Variants in PAPSS1 observed in about 807,000 individuals in gnomAD.
PAPSS1 encodes the protein 3'-phosphoadenosine 5'-phosphosulfate synthase 1.
Under a neutral mutation model 72.0 loss-of-function variants are expected in PAPSS1, and 50 were observed. That is an observed-to-expected ratio of 0.69 (90% confidence interval 0.55 to 0.88). PAPSS1 has a LOEUF of 0.88. Ranked by LOEUF, PAPSS1 falls within the 40% of genes least tolerant of loss-of-function variation. The pLI is 0.00. For synonymous variants in PAPSS1, 261 were observed against 263.6 expected (o/e 0.99, Z 0.09); for missense variants, 657 against 782.2 (o/e 0.84, Z 1.91).
intron 1 of PAPSS1, among the ~76,000 whole-genome samples, chr4:107,702,148 C>T (rs1404323651): frequency 1.3e-5 from 2 of 152,114 alleles, no homozygotes; most frequent in African/African-American, 4.8e-5. Flanking sequence ...ACTTTGCACC[C>T]ACTAGGATAG....
intron 5 of PAPSS1, among the ~76,000 whole-genome samples, chr4:107,676,393 G>C (rs556880869): frequency 1.7e-4 from 26 of 152,224 alleles, no homozygotes; most frequent in South Asian, 1.0e-3. Context: ...ACCAATAACA[G>C]ACAAACAGAG....
chr4:107,631,553 T>G, intron 11 of PAPSS1, 78 bp downstream of exon 11: 1 of 995,462 alleles, frequency 1.0e-6, no homozygotes, highest in South Asian at 1.6e-5. Context: ...CAGTAAAGAT[T>G]AGACAATAAG....
chr4:107,719,654 G>A (rs551865478), intron 1 of PAPSS1, among the ~76,000 whole-genome samples: 1 of 152,304 alleles, frequency 6.6e-6, no homozygotes, highest in Non-Finnish European at 1.5e-5. Flanking sequence ...CCAAACCTGG[G>A]CCAACCGCAC....
intron 11 of PAPSS1, among the ~76,000 whole-genome samples, chr4:107,618,001 A>G (rs7685976): frequency 0.035 from 5,270 of 152,304 alleles, 279 homozygotes; most frequent in African/African-American, 0.12. Flanking sequence ...AAGCAAGGCT[A>G]TGAGAGAAGA....
chr4:107,687,289 T>C (rs1722812294), intron 3 of PAPSS1, 112 bp from the exon 4 acceptor site: 1 of 720,284 alleles, frequency 1.4e-6, no homozygotes, highest in Middle Eastern at 4.1e-4. Flanking sequence ...ATAGACAAAA[T>C]TTATGTTTTT....
intron 11 of PAPSS1, among the ~76,000 whole-genome samples, chr4:107,621,120 C>A (rs77999120): frequency 1.2e-3 from 185 of 152,180 alleles, no homozygotes; most frequent in African/African-American, 3.7e-3. Flanking sequence ...ATGCTACCTG[C>A]CCCCAGTGAT....
chr4:107,622,482 C>T (rs1447130282), intron 11 of PAPSS1, among the ~76,000 whole-genome samples: 3 of 152,080 alleles, frequency 2.0e-5, no homozygotes, highest in Non-Finnish European at 4.4e-5. Flanking sequence ...ATTTTATTTC[C>T]AGAAAATGTA....
intron 1 of PAPSS1, among the ~76,000 whole-genome samples, chr4:107,704,246 T>A (rs1025074594): frequency 6.6e-6 from 1 of 152,234 alleles, no homozygotes; most frequent in African/African-American, 2.4e-5. Context: ...TCTGGTGAAA[T>A]CTTTAGGGTT....
At chr4:107,667,676 T>C (rs1416305958) in intron 5 of PAPSS1, among the ~76,000 whole-genome samples, 1 of 152,174 alleles carries the variant, frequency 6.6e-6, no homozygotes, top group East Asian at 1.9e-4. Context: ...GGGGATAAAA[T>C]TTACTTAGTT....
At chr4:107,713,502 G>C (rs749119570) in intron 1 of PAPSS1, among the ~76,000 whole-genome samples, 57 of 152,120 alleles carry the variant, frequency 3.7e-4, no homozygotes, top group Non-Finnish European at 7.5e-4. Context: ...ACCCACGCCT[G>C]TAATCCCAGC....
At chr4:107,663,980 G>C (rs1727253304) in intron 5 of PAPSS1, among the ~76,000 whole-genome samples, 2 of 152,140 alleles carry the variant, frequency 1.3e-5, no homozygotes, top group Non-Finnish European at 2.9e-5. Flanking sequence ...TAAGGTTCTA[G>C]AGAAAAATAA....
intron 2 of PAPSS1, among the ~76,000 whole-genome samples, chr4:107,697,704 C>G (rs547773089): frequency 1.3e-5 from 2 of 152,260 alleles, no homozygotes; most frequent in Non-Finnish European, 2.9e-5. Context: ...CAATCCAAAT[C>G]TAAGATATGG....
intron 10 of PAPSS1, among the ~76,000 whole-genome samples, chr4:107,642,521 A>G (rs1215184810): frequency 1.3e-5 from 2 of 152,206 alleles, no homozygotes; most frequent in African/African-American, 2.4e-5. Flanking sequence ...AACTTATAAC[A>G]TAAGTTATAC....
chr4:107,616,078 A>ACTAG (rs1725812834), intron 11 of PAPSS1, among the ~76,000 whole-genome samples: 1 of 105,764 alleles, frequency 9.5e-6, no homozygotes, highest in Non-Finnish European at 2.2e-5. Flanking sequence ...ATTTTTAGAA[A>ACTAG]ATAGAGAGAG....
intron 7 of PAPSS1, among the ~76,000 whole-genome samples, chr4:107,656,154 C>T (rs1207107324): frequency 6.6e-6 from 1 of 151,944 alleles, no homozygotes; most frequent in African/African-American, 2.4e-5. Flanking sequence ...ATCCTTTCGC[C>T]CAGGCTAGAG....
chr4:107,614,294 A>T lies in PAPSS1; in HGVS notation c.1830T>A (p.Ala610=). The change falls in exon 12 of 12, where the codon GCT becomes GCA. Residue 610 remains alanine, a synonymous_variant. Transcript: ENST00000265174. ...TGTAGTATTCTGTCAGCACGGTCCA[A>T]GCCTTGGGAGCCATGAAACCTTCAG... The part of the protein sequence containing the change: ...KPPEGFMAPK[A]WTVLTEYYKS... 1 of 1,614,072 alleles carries T rather than the reference A, an allele frequency of 6.2e-7. No individual in the cohort carries two copies. The highest frequency in any genetic ancestry group is 8.5e-7 in the Non-Finnish European group (1 of 1,179,930).
At chr4:107,644,557 A>T (rs1190828129) in intron 10 of PAPSS1, among the ~76,000 whole-genome samples, 1 of 152,182 alleles carries the variant, frequency 6.6e-6, no homozygotes, top group Non-Finnish European at 1.5e-5. Context: ...TGCAGGGAAC[A>T]TCCCCTCCTT....
intron 1 of PAPSS1, 191 bp downstream of exon 1, chr4:107,719,929 C>T: frequency 7.3e-7 from 1 of 1,378,350 alleles, no homozygotes; most frequent in Non-Finnish European, 9.3e-7. Context: ...GCGAGATCCC[C>T]ACCCTGCGCC....
At chr4:107,700,512 C>T (rs919917117) in intron 2 of PAPSS1, among the ~76,000 whole-genome samples, 2 of 152,148 alleles carry the variant, frequency 1.3e-5, no homozygotes, top group Non-Finnish European at 2.9e-5. Context: ...TCTGGTTGTA[C>T]CATGCTATGG....
Sources: gnomAD v4.1 joint callset for allele counts (sites outside exome capture counted in the v4.1 genomes callset) on GRCh38, gnomAD v4.1.1 for gene constraint, MANE v1.5 for transcripts, NCBI Gene and HGNC (gene_info 2026-07-23, HGNC 2026-07-21) for gene names.